Variants in NOBOX observed in about 807,000 individuals in gnomAD.
NOBOX encodes the protein NOBOX oogenesis homeobox.
NOBOX carries 46 observed loss-of-function variants against 60.2 expected under a neutral mutation model. That is an observed-to-expected ratio of 0.76 (90% CI 0.60 to 0.98). NOBOX has a LOEUF of 0.98. NOBOX is among the 50% of genes least tolerant of loss of function. The pLI is 0.00. For missense variants in NOBOX, 880 were observed against 865.5 expected, an observed-to-expected ratio of 1.02 and a Z score of -0.21; for synonymous variants, 360 against 346.3, an observed-to-expected ratio of 1.04 and a Z score of -0.44.
At chr7:144,397,202 C>T, downstream of NOBOX, 1 of 1,493,060 alleles carries the variant, frequency 6.7e-7, no homozygotes, top group South Asian at 1.3e-5. Flanking sequence ...CAATCCTATC[C>T]CACCCAAGCA....
downstream of NOBOX, among the ~76,000 whole-genome samples, chr7:144,396,949 C>T (rs1361770155): frequency 6.6e-6 from 1 of 152,118 alleles, no homozygotes. Flanking sequence ...CACTCCAGCT[C>T]ATTTGTCAAG....
chr7:144,408,845 A>C (rs192856777), intron 1 of NOBOX, among the ~76,000 whole-genome samples: 1 of 152,350 alleles, frequency 6.6e-6, no homozygotes, highest in African/African-American at 2.4e-5. Context: ...AACCGTTCTG[A>C]ATCTTGGCTA....
At chr7:144,404,247 TTTTG>T (rs1399276601) in intron 2 of NOBOX, among the ~76,000 whole-genome samples, 1 of 152,056 alleles carries the variant, frequency 6.6e-6, no homozygotes, top group Non-Finnish European at 1.5e-5. Flanking sequence ...CCCTTCCTGA[TTTTG>T]TTTGTTTTTG....
At chr7:144,399,999 G>T in intron 5 of NOBOX, 136 bp from the exon 4 acceptor site, 1 of 1,335,244 alleles carries the variant, frequency 7.5e-7, no homozygotes, top group Non-Finnish European at 1.0e-6. Flanking sequence ...CCGTCAGGCT[G>T]GTTTTATCAA....
At chr7:144,400,099 T>G in intron 5 of NOBOX, 107 bp downstream of exon 3, 1 of 1,610,334 alleles carries the variant, frequency 6.2e-7, no homozygotes, top group Non-Finnish European at 8.5e-7. Flanking sequence ...AGGCCTCAAT[T>G]CAGCTCCTAC....
Position 144,400,219 on chromosome 7 carries a change from G to T in NOBOX, c.938C>A (p.Pro313His), listed in dbSNP as rs1352037743. Residue 313 changes from proline (P) to histidine (H), a missense_variant, in exon 5 of 10, where the codon CCC becomes CAC. Physicochemically the swap from Pro to His is moderately conservative, Grantham distance 77. Transcript: ENST00000467773. ...GGCCCCCTTTACCATGATGCGCTGG[G>T]GGGTCACCCCCACCGTCTGGGCAAT... The T allele has an allele frequency of 6.2e-7, 1 of 1,614,044 alleles. No individual in the cohort carries two copies. The highest frequency in any genetic ancestry group is 1.1e-5 in the South Asian group (1 of 91,086).
At chr7:144,403,561 T>A in intron 2 of NOBOX, 96 bp downstream of exon 1, 1 of 436,680 alleles carries the variant, frequency 2.3e-6, no homozygotes, top group Non-Finnish European at 4.4e-6. Context: ...CTGAAGCTCT[T>A]AGGTCGGCTA....
intron 7 of NOBOX, 109 bp downstream of exon 5, chr7:144,399,288 G>C (rs1233726488): frequency 2.0e-6 from 2 of 993,466 alleles, no homozygotes; most frequent in Admixed American, 2.1e-5. Flanking sequence ...AATAGGCCCT[G>C]CTGGCTGAAA....
chr7:144,407,898 C>A (rs556956299), intron 1 of NOBOX, among the ~76,000 whole-genome samples: 1 of 152,206 alleles, frequency 6.6e-6, no homozygotes, highest in Non-Finnish European at 1.5e-5. Context: ...CCATTGTTTA[C>A]AATTAATCGC....
intron 1 of NOBOX, chr7:144,410,122 G>A (rs1012920937): frequency 6.6e-7 from 1 of 1,512,018 alleles, no homozygotes; most frequent in Non-Finnish European, 9.0e-7. Context: ...TTTTGCTGTT[G>A]CTTCCAGGAC....
intron 1 of NOBOX, among the ~76,000 whole-genome samples, chr7:144,409,952 C>G (rs2054010212): frequency 6.6e-6 from 1 of 152,160 alleles, no homozygotes; most frequent in South Asian, 2.1e-4. Context: ...TTTTTTCCTC[C>G]TTTGGTATCT....
chr7:144,398,483 G>T lies in NOBOX; in HGVS notation c.1573C>A (p.Pro525Thr). The change falls in exon 9 of 10, where the codon CCC becomes ACC. Residue 525 changes from proline (P) to threonine (T), a missense_variant. Physicochemically the swap from Pro to Thr is conservative, Grantham distance 38. Coordinates refer to ENST00000467773, the MANE Select transcript of NOBOX (RefSeq NM_001080413.3). Reference sequence around the variant, plus strand: ...GGCTGAGGGGACTGGAAAAGCGGGGGCTGTGGAGCCTGGGAGAACTGGAAG... The same window carrying T: ...GGCTGAGGGGACTGGAAAAGCGGGGTCTGTGGAGCCTGGGAGAACTGGAAG... 6.5e-7 allele frequency: 1 copy of T among 1,537,064 alleles called. No homozygotes were observed. The highest frequency in any genetic ancestry group is 8.7e-7 in the Non-Finnish European group (1 of 1,146,828).
intron 1 of NOBOX, among the ~76,000 whole-genome samples, chr7:144,405,154 T>C (rs542760697): frequency 1.6e-3 from 241 of 152,342 alleles, no homozygotes; most frequent in African/African-American, 5.5e-3. Flanking sequence ...TGATCAAGAC[T>C]TCAGGCATCT....
At chr7:144,399,586 G>T in intron 6 of NOBOX, 104 bp from the exon 5 acceptor site, 1 of 1,182,356 alleles carries the variant, frequency 8.5e-7, no homozygotes, top group Non-Finnish European at 1.2e-6. Context: ...GCCTCCTACA[G>T]GGCATTGGCA....
rs760705942 is a variant in NOBOX, at chr7:144,401,135, G to A, written c.755C>T (p.Ala252Val). The A allele has an allele frequency of 9.4e-6, 15 of 1,590,128 alleles. No individual in the cohort carries two copies. Among genetic ancestry groups the A allele is most frequent in the Admixed American group, 1.8e-5 (1 of 55,706 alleles). The change falls in exon 4 of 10, where the codon GCG (alanine) becomes GTG (valine). Residue 252 changes from alanine to valine, a missense_variant. By Grantham distance (64) the Ala-to-Val change is moderately conservative (BLOSUM62 0). Transcript: ENST00000467773. The surrounding 1 kb of genome is among the most constrained non-coding windows in gnomAD (Gnocchi z 4.2). ...GTGGTCTCTGTTTTGGTTGCTCTGC[G>A]CCAATGTACTGAGGAGATTGGCCAG...
chr7:144,400,058 C>A, intron 5 of NOBOX, 148 bp downstream of exon 3: 5 of 1,566,208 alleles, frequency 3.2e-6, no homozygotes, highest in Non-Finnish European at 4.4e-6. Context: ...CTGTGGCACT[C>A]TGGAAACAGT....
chr7:144,402,041 A>G (rs2053944005), intron 2 of NOBOX: 1 of 928,436 alleles, frequency 1.1e-6, no homozygotes, highest in South Asian at 1.4e-5. Context: ...CACAACAGGC[A>G]TTATTGCTTG....
In NOBOX at chr7:144,400,268, G is replaced by T. The variant is rs776202075; in HGVS notation, c.889C>A (p.Pro297Thr). Reference sequence around the variant, plus strand: ...ATCTCTCGGCGTTTATCACTGTCAGGATAGTGGTCTTCTTGGAATATCTTC... The same window carrying T: ...ATCTCTCGGCGTTTATCACTGTCAGTATAGTGGTCTTCTTGGAATATCTTC... The change falls in exon 5 of 10, where the codon CCT (proline) becomes ACT (threonine). Residue 297 changes from proline to threonine, a missense_variant. Physicochemically the swap from Pro to Thr is conservative, Grantham distance 38. Coordinates refer to ENST00000467773, the MANE Select transcript of NOBOX (RefSeq NM_001080413.3). 1 of 1,614,078 alleles carries T rather than the reference G, an allele frequency of 6.2e-7. No individual in the cohort carries two copies. Among genetic ancestry groups the T allele is most frequent in the South Asian group, 1.1e-5 (1 of 91,090 alleles).
chr7:144,397,663 T>C, intron 9 of NOBOX, 122 bp from the exon 8 acceptor site: 3 of 851,092 alleles, frequency 3.5e-6, no homozygotes, highest in South Asian at 1.9e-5. Flanking sequence ...AGGACCTCAG[T>C]GTAAGTCTGG....
Sources: gnomAD v4.1 joint callset for allele counts (sites outside exome capture counted in the v4.1 genomes callset) on GRCh38, gnomAD v4.1.1 for gene constraint, Gnocchi (gnomAD v3.1) non-coding constraint, MANE v1.5 for transcripts, NCBI Gene and HGNC (gene_info 2026-07-23, HGNC 2026-07-21) for gene names.